Variants in PKIB observed in about 807,000 individuals in gnomAD.
PKIB encodes the protein PKI-beta.
Under a neutral mutation model 4.5 loss-of-function variants are expected in PKIB, and 2 were observed. That is an observed-to-expected ratio of 0.44 (90% CI 0.18 to 1.39). The LOEUF (loss-of-function observed/expected upper bound fraction) is 1.39, where lower values mean the gene tolerates loss of function less well. Among genes scored for constraint, PKIB ranks in the 40% most tolerant of loss-of-function variants. The probability of loss-of-function intolerance (pLI) is 0.27; values close to 1 mark genes in which losing one functional copy is unlikely to be tolerated. For synonymous variants in PKIB, 38 were observed against 36.0 expected (o/e 1.06, Z -0.20); for missense variants, 94 against 92.6 (o/e 1.02, Z -0.06).
chr6:122,632,322 G>T (rs937670222), intron 1 of PKIB, among the ~76,000 whole-genome samples: 4 of 152,210 alleles, frequency 2.6e-5, no homozygotes, highest in African/African-American at 9.6e-5. Flanking sequence ...TGACATTACT[G>T]GCCTCACATC....
intron 3 of PKIB, among the ~76,000 whole-genome samples, chr6:122,591,417 C>A (rs913002453): frequency 3.3e-5 from 5 of 152,132 alleles, no homozygotes; most frequent in Middle Eastern, 6.8e-3. Flanking sequence ...TAGATTTGAA[C>A]GTCTAAGTCA....
intron 1 of PKIB, among the ~76,000 whole-genome samples, chr6:122,624,183 G>T (rs1291403797): frequency 6.6e-6 from 1 of 152,056 alleles, no homozygotes; most frequent in Non-Finnish European, 1.5e-5. Flanking sequence ...TTTCAGGAGG[G>T]CAACTTAATC....
intron 1 of PKIB, among the ~76,000 whole-genome samples, chr6:122,612,735 A>G (rs913368507): frequency 1.3e-5 from 2 of 152,170 alleles, no homozygotes; most frequent in African/African-American, 4.8e-5. Context: ...GAATATTATG[A>G]ATCATGCTGC....
intron 2 of PKIB, among the ~76,000 whole-genome samples, chr6:122,510,787 G>T (rs993041695): frequency 6.6e-6 from 1 of 152,122 alleles, no homozygotes; most frequent in African/African-American, 2.4e-5. Context: ...AAGGTGCTGG[G>T]TCGGGCCTGA....
At chr6:122,523,807 C>T (rs1307617439) in intron 2 of PKIB, among the ~76,000 whole-genome samples, 1 of 151,824 alleles carries the variant, frequency 6.6e-6, no homozygotes, top group Non-Finnish European at 1.5e-5. Flanking sequence ...AGGATGTTCC[C>T]CTGCACAAGC....
intron 2 of PKIB, among the ~76,000 whole-genome samples, chr6:122,539,701 G>A (rs2114633251): frequency 6.6e-6 from 1 of 152,040 alleles, no homozygotes; most frequent in Middle Eastern, 3.4e-3. Context: ...CTCATAAAAT[G>A]AGTTAGGGAG....
chr6:122,536,879 G>C (rs1777420336), intron 2 of PKIB, among the ~76,000 whole-genome samples: 1 of 149,458 alleles, frequency 6.7e-6, no homozygotes, highest in Non-Finnish European at 1.5e-5. Flanking sequence ...CAGTATTTTT[G>C]TCTACCCAAT....
chr6:122,721,349 G>A (rs1779733257), intron 4 of PKIB, among the ~76,000 whole-genome samples: 1 of 152,144 alleles, frequency 6.6e-6, no homozygotes, highest in Admixed American at 6.5e-5. Flanking sequence ...CAGAAAAAAA[G>A]GGTGCTGTAG....
intron 2 of PKIB, among the ~76,000 whole-genome samples, chr6:122,562,010 T>TG (rs1378207258): frequency 6.9e-6 from 1 of 144,988 alleles, no homozygotes; most frequent in East Asian, 2.0e-4. Flanking sequence ...TTTTGTTTTT[T>TG]TTTTTTTTTG....
At chr6:122,668,298 T>C (rs1777312697) in intron 2 of PKIB, among the ~76,000 whole-genome samples, 1 of 152,168 alleles carries the variant, frequency 6.6e-6, no homozygotes, top group Non-Finnish European at 1.5e-5. Flanking sequence ...AGTGAAACTG[T>C]CTTCCAAACA....
chr6:122,617,622 T>C (rs1467057583), intron 1 of PKIB, among the ~76,000 whole-genome samples: 3 of 152,170 alleles, frequency 2.0e-5, no homozygotes, highest in Non-Finnish European at 4.4e-5. Flanking sequence ...GATGAAAACT[T>C]TTCATATTTT....
intron 3 of PKIB, among the ~76,000 whole-genome samples, chr6:122,686,325 C>T (rs1170266710): frequency 6.6e-6 from 1 of 152,046 alleles, no homozygotes; most frequent in African/African-American, 2.4e-5. Flanking sequence ...GTTATTGTCT[C>T]TCTTTTTAAT....
At chr6:122,696,811 A>G (rs1778593297) in intron 3 of PKIB, among the ~76,000 whole-genome samples, 1 of 152,210 alleles carries the variant, frequency 6.6e-6, no homozygotes, top group Non-Finnish European at 1.5e-5. Context: ...ATTGCAGCTC[A>G]GTGAGGGTCA....
intron 2 of PKIB, among the ~76,000 whole-genome samples, chr6:122,495,742 G>A (rs893524566): frequency 6.6e-6 from 1 of 152,118 alleles, no homozygotes; most frequent in African/African-American, 2.4e-5. Flanking sequence ...TATAAGAAGC[G>A]GAAGTACTCT....
rs1016279184 is a variant in PKIB at position 122,673,652 on chromosome 6, C to T, written c.-75-1426C>T. Among the ~76,000 whole-genome samples the T allele has an allele frequency of 7.2e-5, 11 of 152,258 alleles. No individual in the cohort carries two copies. In the South Asian group the frequency reaches 1.0e-3, roughly 14 times the overall value. On this transcript the variant is annotated intron_variant, in intron 2 of 4. Coordinates refer to ENST00000368452, the MANE Select transcript of PKIB (RefSeq NM_181795.3). ...AAAATTCTTCCAAGGTGGTAAAATA[C>T]GCATTCAGGCAGCTCCAAGTCTGAA... is the stretch of plus-strand genomic sequence containing the variant.
intron 2 of PKIB, among the ~76,000 whole-genome samples, chr6:122,561,994 G>GTTTTTTTTTTTTTTTTTTTTTTTTTTTC: frequency 2.4e-5 from 1 of 40,904 alleles, no homozygotes; most frequent in Non-Finnish European, 4.6e-5. Flanking sequence ...GTTTGTTTTT[G>GTTTTTTTTTTTTTTTTTTTTTTTTTTTC]TTTTTTTTTG....
At chr6:122,563,187 G>A (rs1028426281) in intron 2 of PKIB, among the ~76,000 whole-genome samples, 2 of 152,118 alleles carry the variant, frequency 1.3e-5, no homozygotes, top group African/African-American at 4.8e-5. Flanking sequence ...TCCTTTTCCT[G>A]TGGATGTGGC....
intron 3 of PKIB, among the ~76,000 whole-genome samples, chr6:122,594,212 T>C: frequency 8.9e-6 from 1 of 112,476 alleles, no homozygotes; most frequent in South Asian, 2.7e-4. Flanking sequence ...AAATTAAGAC[T>C]TTTTTTTTTT....
intron 1 of PKIB, among the ~76,000 whole-genome samples, chr6:122,612,102 G>A (rs1014498389): frequency 2.0e-5 from 3 of 152,074 alleles, no homozygotes; most frequent in African/African-American, 7.2e-5. Context: ...TTGTTAAAGA[G>A]TTTTTCCTCC....
Sources: gnomAD v4.1 joint callset for allele counts (sites outside exome capture counted in the v4.1 genomes callset) on GRCh38, gnomAD v4.1.1 for gene constraint, MANE v1.5 for transcripts, NCBI Gene and HGNC (gene_info 2026-07-23, HGNC 2026-07-21) for gene names.